The following FRMD4B variants were observed in gnomAD, a reference collection of about 807,000 sequenced individuals.
The protein encoded by FRMD4B is FERM domain containing 4B, also known as FERM domain-containing protein 4B.
Under a neutral mutation model 141.5 loss-of-function variants are expected in FRMD4B, and 74 were observed. The observed-to-expected ratio is 0.52, with a 90% CI of 0.43 to 0.63. The LOEUF is 0.63. Among genes scored for constraint, FRMD4B ranks in the 30% least tolerant of loss-of-function variants. The probability of loss-of-function intolerance (pLI) is 0.00; values close to 1 mark genes in which losing one functional copy is unlikely to be tolerated. For synonymous variants in FRMD4B, 506 were observed against 467.9 expected, an observed-to-expected ratio of 1.08 and a Z score of -1.05; for missense variants, 1,366 against 1,253.4, an observed-to-expected ratio of 1.09 and a Z score of -1.36.
At chr3:69,255,629 T>C (rs2093487725) in intron 5 of FRMD4B, among the ~76,000 whole-genome samples, 1 of 152,206 alleles carries the variant, frequency 6.6e-6, no homozygotes, top group African/African-American at 2.4e-5. Flanking sequence ...AGTACCCTTC[T>C]CTTTTTTTGA....
chr3:69,375,334 T>C (rs1017547250), intron 1 of FRMD4B, among the ~76,000 whole-genome samples: 6 of 151,986 alleles, frequency 3.9e-5, no homozygotes, highest in Non-Finnish European at 7.4e-5. Context: ...TCCAATCATC[T>C]ATTTAACCAA....
chr3:69,471,116 T>C (rs1239394112), intron 1 of FRMD4B, among the ~76,000 whole-genome samples: 2 of 152,198 alleles, frequency 1.3e-5, no homozygotes, highest in Non-Finnish European at 2.9e-5. Flanking sequence ...ACTTTTTTTC[T>C]AATCATTTGA....
chr3:69,208,871 C>T (rs969570504), intron 11 of FRMD4B, among the ~76,000 whole-genome samples: 5 of 152,038 alleles, frequency 3.3e-5, no homozygotes, highest in South Asian at 2.1e-4. Context: ...TTATGCCAGG[C>T]GCGGTGGCTC....
intron 17 of FRMD4B, among the ~76,000 whole-genome samples, chr3:69,192,877 G>A (rs1480011318): frequency 6.6e-6 from 1 of 151,742 alleles, no homozygotes; most frequent in East Asian, 1.9e-4. Context: ...GAGTGCAGTG[G>A]TGCAATCATA....
intron 1 of FRMD4B, among the ~76,000 whole-genome samples, chr3:69,380,677 C>G (rs895934888): frequency 7.2e-5 from 11 of 152,268 alleles, no homozygotes; most frequent in East Asian, 3.9e-4. Context: ...TATGCTACCC[C>G]CTCAGGGACA....
intron 1 of FRMD4B, among the ~76,000 whole-genome samples, chr3:69,503,628 T>C (rs1442583744): frequency 6.6e-6 from 1 of 152,126 alleles, no homozygotes; most frequent in Non-Finnish European, 1.5e-5. Flanking sequence ...GGCACATGTA[T>C]TCATATGTAA....
intron 1 of FRMD4B, among the ~76,000 whole-genome samples, chr3:69,358,976 C>T (rs1041864905): frequency 6.6e-6 from 1 of 152,114 alleles, no homozygotes; most frequent in Non-Finnish European, 1.5e-5. Flanking sequence ...GCCTCCAGAA[C>T]CATGAGCCAA....
In FRMD4B at chr3:69,429,833, C is replaced by T. The variant is rs1055256828; in HGVS notation, c.-1+2801G>A. 4.8e-5 allele frequency among the ~76,000 whole-genome samples: 7 copies of T among 147,368 alleles called. No individual in the cohort carries two copies. The South Asian group carries it at 1.3e-3, about 28-fold the overall frequency. ...GGTGTGCAGTGGCATGATCTCTGCT[C>T]ACTGCAACTTCTGCCTCCTGAATTG... On this transcript the variant is annotated intron_variant, in intron 2 of 5. Transcript: ENST00000459638.
At chr3:69,407,235 G>C (rs1704664049) in intron 2 of FRMD4B, among the ~76,000 whole-genome samples, 1 of 152,148 alleles carries the variant, frequency 6.6e-6, no homozygotes, top group Non-Finnish European at 1.5e-5. Context: ...AATTCAACAG[G>C]TGCTTGGGTA....
chr3:69,310,196 C>T (rs1171537846), intron 3 of FRMD4B, among the ~76,000 whole-genome samples: 1 of 152,144 alleles, frequency 6.6e-6, no homozygotes, highest in African/African-American at 2.4e-5. Context: ...TTGCCCAGTG[C>T]AAGTCCTGAG....
chr3:69,230,145 T>C (rs909731989), intron 7 of FRMD4B, among the ~76,000 whole-genome samples: 1 of 151,806 alleles, frequency 6.6e-6, no homozygotes, highest in Non-Finnish European at 1.5e-5. Context: ...CTGGCTAATT[T>C]TTTTGTATTT....
chr3:69,261,498 A>G (rs1559759958), intron 5 of FRMD4B, among the ~76,000 whole-genome samples: 1 of 152,214 alleles, frequency 6.6e-6, no homozygotes, highest in Non-Finnish European at 1.5e-5. Context: ...TTCTAGGCTT[A>G]TAGTAAAATT....
intron 1 of FRMD4B, among the ~76,000 whole-genome samples, chr3:69,315,119 T>G (rs577180569): frequency 1.3e-5 from 2 of 152,212 alleles, no homozygotes; most frequent in African/African-American, 4.8e-5. Flanking sequence ...ATCACCACCA[T>G]AGTTAAGAAC....
chr3:69,410,730 T>TAAATAA (rs1559519806), intron 2 of FRMD4B, among the ~76,000 whole-genome samples: 5 of 7,566 alleles, frequency 6.6e-4, no homozygotes, highest in African/African-American at 3.4e-3. Context: ...TAAATAAATA[T>TAAATAA]ATATATATAT....
intron 7 of FRMD4B, among the ~76,000 whole-genome samples, chr3:69,239,273 G>C (rs1286699610): frequency 6.6e-6 from 1 of 152,194 alleles, no homozygotes; most frequent in South Asian, 2.1e-4. Context: ...CAGGAAACCT[G>C]CTTGTGTTCT....
At chr3:69,502,590 C>T (rs1321812217) in intron 1 of FRMD4B, among the ~76,000 whole-genome samples, 7 of 151,358 alleles carry the variant, frequency 4.6e-5, no homozygotes, top group Non-Finnish European at 7.4e-5. Flanking sequence ...TAGAAGAAAA[C>T]CTAGGCAATA....
At position 69,171,959 on chromosome 3, in the gene FRMD4B, G is replaced by T. The variant is rs765711424; in HGVS notation, c.3007C>A (p.Leu1003Met). 27 of 1,612,848 alleles carry T rather than the reference G, an allele frequency of 1.7e-5. No homozygotes were observed. Among genetic ancestry groups the T allele is most frequent in the Non-Finnish European group, 2.2e-5 (26 of 1,179,008 alleles). The change falls in exon 23 of 23, where the codon CTG becomes ATG. Residue 1003 changes from leucine to methionine, a missense_variant. Leu to Met is a conservative substitution (Grantham distance 15, BLOSUM62 2). Transcript: ENST00000398540. Reference sequence around the variant, plus strand: ...AGCTGGTTTCCATCTGTACCATCCAGTTGACTGATTTCTGTGTATTGTCTA... The same window carrying T: ...AGCTGGTTTCCATCTGTACCATCCATTTGACTGATTTCTGTGTATTGTCTA... ...PSRQYTEISQ[L>M]DGTDGNQLED...
intron 7 of FRMD4B, among the ~76,000 whole-genome samples, chr3:69,229,638 T>G (rs988767923): frequency 1.3e-5 from 2 of 152,160 alleles, no homozygotes; most frequent in African/African-American, 4.8e-5. Context: ...TGTATAGAAG[T>G]AGAATTCCAA....
rs1703223445 is a variant in FRMD4B, at chr3:69,353,534, T to C, written c.162+32294A>G. On this transcript the variant is annotated intron_variant, in intron 1 of 22. Coordinates refer to ENST00000398540, the MANE Select transcript of FRMD4B (RefSeq NM_015123.3). ...GCAACTGGAAGATCATAAAAAAAAA[T>C]CATTCTTACCTCCGAACCACCATGA... 1.8e-5 allele frequency: 18 copies of C among 979,028 alleles called. No individual in the cohort carries two copies. In the South Asian group the frequency reaches 3.3e-4, roughly 18 times the overall value. 60.6% of individuals were successfully genotyped at this position (979,028 alleles called of 1,614,324 possible). A position where few individuals can be genotyped will look rare whatever the true frequency, so the allele number is the denominator to read the frequency against.
Sources: gnomAD v4.1 joint callset for allele counts (sites outside exome capture counted in the v4.1 genomes callset) on GRCh38, gnomAD v4.1.1 for gene constraint, MANE v1.5 for transcripts, NCBI Gene and HGNC (gene_info 2026-07-23, HGNC 2026-07-21) for gene names.